SUMF2: variants seen among roughly 807,000 people sequenced by gnomAD.
SUMF2 encodes the protein inactive C-alpha-formylglycine-generating enzyme 2.
Under a neutral mutation model 44.8 loss-of-function variants are expected in SUMF2, and 45 were observed. The ratio of observed to expected loss-of-function variants is 1.00; its 90% CI spans 0.79 to 1.29. SUMF2 has a LOEUF of 1.29. SUMF2 is among the 50% of genes most tolerant of loss of function. The pLI is 0.00. For missense variants in SUMF2, 418 were observed against 389.9 expected (o/e 1.07, Z -0.61); for synonymous variants, 148 against 150.4 (o/e 0.98, Z 0.12).
At chr7:56,087,746 G>T in the SUMF2 span, 10 of 1,613,120 alleles carry the variant, frequency 6.2e-6, no homozygotes, top group Non-Finnish European at 8.5e-6. Flanking sequence ...TGGGCTTGTG[G>T]ATGCATCGCC....
chr7:56,068,892 T>C (rs1042485082), intron 2 of SUMF2, among the ~76,000 whole-genome samples: 2 of 151,830 alleles, frequency 1.3e-5, no homozygotes, highest in Admixed American at 1.3e-4. Context: ...TGTATTTTTT[T>C]AGTAGAGACG....
downstream of SUMF2, chr7:56,082,066 G>A (rs747814066): frequency 3.3e-5 from 53 of 1,610,144 alleles, no homozygotes; most frequent in Admixed American, 1.3e-4. Context: ...CGAGGGCCCA[G>A]GGCCACTTAC....
intron 3 of SUMF2, 59 bp from the exon 4 acceptor site, chr7:56,074,115 C>T (rs1387608390): frequency 2.0e-6 from 3 of 1,523,072 alleles, no homozygotes; most frequent in Middle Eastern, 1.7e-4. Flanking sequence ...GTGGCTCAGT[C>T]GGGGAGGTGC....
intron 2 of SUMF2, 44 bp from the exon 3 acceptor site, chr7:56,072,953 C>T (rs745459539): frequency 1.4e-6 from 2 of 1,466,850 alleles, no homozygotes; most frequent in South Asian, 2.3e-5. Flanking sequence ...ATGGGGTGGG[C>T]ACAGAACCTC....
At chr7:56,083,085 G>C, downstream of SUMF2, 1 of 529,538 alleles carries the variant, frequency 1.9e-6, no homozygotes, top group Non-Finnish European at 3.3e-6. Context: ...CAGCCTGGGC[G>C]ACAGAGTGAG....
chr7:56,074,836 GC>G lies in SUMF2; in HGVS notation c.535+102del, dbSNP rs1305008124. The G allele has an allele frequency of 1.5e-5, 22 of 1,466,694 alleles. No homozygotes were observed. In the East Asian group the frequency reaches 4.1e-4, roughly 28 times the overall value. 90.9% of individuals were successfully genotyped at this position (1,466,694 alleles called of 1,614,324 possible). ...AAAGGGGCTGGGCGCAGTGGCTTAT[GC>G]CTGTAATCCCAACACTTTGGGAGGC... On this transcript the variant is annotated intron_variant, in intron 5 of 8. Coordinates refer to ENST00000434526, the MANE Select transcript of SUMF2 (RefSeq NM_015411.4).
At chr7:56,074,957 G>A (rs899358234) in intron 5 of SUMF2, among the ~76,000 whole-genome samples, 1 of 152,116 alleles carries the variant, frequency 6.6e-6, no homozygotes, top group Non-Finnish European at 1.5e-5. Context: ...AATGAGCTGG[G>A]CCTGGTGGCA....
rs1795853841 is a variant in SUMF2 at position 56,079,785 on chromosome 7, A to G, written c.*173A>G. 1.3e-6 allele frequency: 2 copies of G among 1,554,824 alleles called. No individual in the cohort carries two copies. The highest frequency in any genetic ancestry group is 8.7e-7 in the Non-Finnish European group (1 of 1,148,336). On this transcript the variant is annotated 3_prime_UTR_variant, in exon 9 of 9. Coordinates refer to ENST00000434526, the MANE Select transcript of SUMF2 (RefSeq NM_015411.4). ...CTCTCACCAGGGCAGGAGAGGACTCAGCCTCCTGTGTTTTGGAGAAGGGGC... is the reference window on the plus strand; with the variant it reads ...CTCTCACCAGGGCAGGAGAGGACTCGGCCTCCTGTGTTTTGGAGAAGGGGC...
chr7:56,070,279 TAATAAC>T (rs987583330), intron 2 of SUMF2, among the ~76,000 whole-genome samples: 4 of 152,088 alleles, frequency 2.6e-5, no homozygotes, highest in African/African-American at 4.8e-5. Context: ...TAAATGGAGT[TAATAAC>T]AATAACACCT....
In SUMF2 at chr7:56,079,920, C is replaced by A; in HGVS notation, c.*308C>A. On this transcript the variant is annotated 3_prime_UTR_variant, in exon 9 of 9. Transcript: ENST00000434526. Reference sequence around the variant, plus strand: ...AATTGGAACAGAGCACTCTGAAAGGCCATTTTTTAAGCATTTTAAAATCTA... The same window carrying A: ...AATTGGAACAGAGCACTCTGAAAGGACATTTTTTAAGCATTTTAAAATCTA... The A allele has an allele frequency of 1.4e-6, 2 of 1,425,258 alleles. No individual in the cohort carries two copies. Among genetic ancestry groups the A allele is most frequent in the Admixed American group, 5.4e-5 (2 of 37,300 alleles). The allele number at this position is 1,425,258 out of a possible 1,614,324, so 88.3% of individuals were successfully genotyped here.
At chr7:56,066,105 A>C (rs1005382279) in intron 1 of SUMF2, among the ~76,000 whole-genome samples, 2 of 141,816 alleles carry the variant, frequency 1.4e-5, no homozygotes, top group African/African-American at 5.1e-5. Context: ...AAAAAAAAAA[A>C]TCAAAAACAA....
At chr7:56,066,196 C>CA in intron 1 of SUMF2, among the ~76,000 whole-genome samples, 1 of 151,580 alleles carries the variant, frequency 6.6e-6, no homozygotes, top group East Asian at 1.9e-4. Context: ...AAGATAGGAT[C>CA]TTGAGGAACA....
rs1795917986 is a variant in SUMF2 at position 56,080,548 on chromosome 7, G to GC, written c.*938dup. 1 of 169,844 alleles carries GC rather than the reference G, an allele frequency of 5.9e-6. No individual in the cohort carries two copies. Among genetic ancestry groups the GC allele is most frequent in the African/African-American group, 2.4e-5 (1 of 41,624 alleles). The allele number at this position is 169,844 out of a possible 1,614,324, so 10.5% of individuals were successfully genotyped here. On this transcript the variant is annotated 3_prime_UTR_variant, in exon 9 of 9. Transcript: ENST00000434526. Reference sequence around the variant, plus strand: ...CAAAGTGCTGGGATTACAGGTGTGAGCCACCTCGCCTGGGCCCCCTTCTCC... The same window carrying GC: ...CAAAGTGCTGGGATTACAGGTGTGAGCCCACCTCGCCTGGGCCCCCTTCTCC...
chr7:56,083,340 A>C (rs774780130), downstream of SUMF2: 1 of 1,614,136 alleles, frequency 6.2e-7, no homozygotes, highest in South Asian at 1.1e-5. Flanking sequence ...CTTGATGTTC[A>C]TGTTGTCATC....
downstream of SUMF2, chr7:56,081,298 A>G: frequency 6.2e-7 from 1 of 1,606,280 alleles, no homozygotes; most frequent in Admixed American, 1.7e-5. The surrounding 1 kb of genome is among the most constrained non-coding windows in gnomAD (Gnocchi z 4.6). Flanking sequence ...CAGAGCGATC[A>G]CCTGCAGGGC....
At chr7:56,081,843 G>A (rs572958289), downstream of SUMF2, 31 of 1,609,058 alleles carry the variant, frequency 1.9e-5, no homozygotes, top group South Asian at 9.9e-5. This position sits in a 1 kb window ranked among gnomAD's most constrained non-coding sequence, Gnocchi z 4.6. Context: ...GGGCAGGGGC[G>A]CCTGGCATCG....
chr7:56,079,825 C>T lies in SUMF2; in HGVS notation c.*213C>T, dbSNP rs376629153. 1.8e-4 allele frequency: 272 copies of T among 1,551,850 alleles called. No individual in the cohort carries two copies. Among genetic ancestry groups the T allele is most frequent in the Middle Eastern group, 5.0e-4 (3 of 6,012 alleles). On this transcript the variant is annotated 3_prime_UTR_variant, in exon 9 of 9. Transcript: ENST00000434526. ...GGAGAAGGGGCCCAATGTGTGTTGACGATGGCTGGGGGCCAGGTGTTTCTG... is the reference window on the plus strand; with the variant it reads ...GGAGAAGGGGCCCAATGTGTGTTGATGATGGCTGGGGGCCAGGTGTTTCTG...
chr7:56,064,882 CAAAAAAAA>C (rs71015175), intron 1 of SUMF2, among the ~76,000 whole-genome samples: 5 of 14,310 alleles, frequency 3.5e-4, no homozygotes, highest in African/African-American at 1.6e-3. Context: ...TACTTTATCT[CAAAAAAAA>C]AAAAAAAAAA....
Position 56,074,014 on chromosome 7 carries a change from CAAAAAAAAAAAAA to C in SUMF2, c.340-142_340-130del, listed in dbSNP as rs56927689. 91 of 320,894 alleles carry C rather than the reference CAAAAAAAAAAAAA, an allele frequency of 2.8e-4. 1 individual carries two copies. The African/African-American group carries it at 3.1e-3, about 11-fold the overall frequency. 19.9% of individuals were successfully genotyped at this position (320,894 alleles called of 1,614,324 possible). A position where few individuals can be genotyped will look rare whatever the true frequency, so the allele number is the denominator to read the frequency against. On this transcript the variant is annotated intron_variant, in intron 3 of 8. Transcript: ENST00000434526. ...TGAGTGACAGAGCAAGATCTTGTCT[CAAAAAAAAAAAAA>C]AAAAAAAAAAAAAAAAATCAGCCAC... is the stretch of plus-strand genomic sequence containing the variant.
Sources: gnomAD v4.1 joint callset for allele counts (sites outside exome capture counted in the v4.1 genomes callset) on GRCh38, gnomAD v4.1.1 for gene constraint, Gnocchi (gnomAD v3.1) non-coding constraint, MANE v1.5 for transcripts, NCBI Gene and HGNC (gene_info 2026-07-23, HGNC 2026-07-21) for gene names.